SNX10: variants seen among roughly 807,000 people sequenced by gnomAD.
SNX10 encodes the protein sorting nexin-10.
In SNX10, 25 loss-of-function variants were observed where a neutral mutation model predicts 28.5. The observed-to-expected ratio is 0.88, with a 90% CI of 0.64 to 1.22. The LOEUF (loss-of-function observed/expected upper bound fraction) is 1.22. SNX10 is among the 50% of genes most tolerant of loss of function. The pLI, the probability that SNX10 is intolerant of heterozygous loss-of-function variation, is 0.00. For missense variants in SNX10, 223 were observed against 242.6 expected (o/e 0.92, Z 0.54); for synonymous variants, 62 against 81.4 (o/e 0.76, Z 1.28).
chr7:26,294,957 T>G (rs1041898825), intron 1 of SNX10, among the ~76,000 whole-genome samples: 5 of 152,146 alleles, frequency 3.3e-5, no homozygotes, highest in Non-Finnish European at 7.4e-5. Context: ...TTAGCCAGGC[T>G]TCAGTCAAGG....
At chr7:26,322,864 T>C (rs1035920309) in intron 1 of SNX10, among the ~76,000 whole-genome samples, 1 of 152,140 alleles carries the variant, frequency 6.6e-6, no homozygotes, top group African/African-American at 2.4e-5. Context: ...AAAGCAAATG[T>C]CTCTACCCTC....
At chr7:26,300,887 C>G (rs567798804) in intron 1 of SNX10, among the ~76,000 whole-genome samples, 1 of 151,612 alleles carries the variant, frequency 6.6e-6, no homozygotes, top group African/African-American at 2.4e-5. Flanking sequence ...GGTGTGGTGG[C>G]GAGCACCTGT....
At chr7:26,293,402 G>C (rs1033642181) in intron 1 of SNX10, among the ~76,000 whole-genome samples, 1 of 151,858 alleles carries the variant, frequency 6.6e-6, no homozygotes, top group South Asian at 2.1e-4. Flanking sequence ...ACAGGGTTTT[G>C]CCATGTTGCC....
chr7:26,361,072 A>C lies in SNX10; in HGVS notation c.111+11A>C, dbSNP rs762716516. On this transcript the variant is annotated intron_variant, in intron 3 of 6. Transcript: ENST00000338523. Reference sequence around the variant, plus strand: ...GAGATATGTATTCATGTAAGTATGTAGTCAGTAGAAATAGTAATTTTGAGG... The same window carrying C: ...GAGATATGTATTCATGTAAGTATGTCGTCAGTAGAAATAGTAATTTTGAGG... 15 of 1,584,358 alleles carry C rather than the reference A, an allele frequency of 9.5e-6. No individual in the cohort carries two copies. Among genetic ancestry groups the C allele is most frequent in the Non-Finnish European group, 1.3e-5 (15 of 1,163,092 alleles).
intron 1 of SNX10, among the ~76,000 whole-genome samples, chr7:26,334,736 G>T (rs549592194): frequency 6.6e-6 from 1 of 152,276 alleles, no homozygotes; most frequent in Admixed American, 6.5e-5. Context: ...AAGATGTGCT[G>T]TCATATCCTC....
rs193188523 is a variant in SNX10, at chr7:26,331,104, T to C, written c.-23-15316T>C. Among the ~76,000 whole-genome samples the C allele has an allele frequency of 1.1e-4, 16 of 150,788 alleles. No individual in the cohort carries two copies. The East Asian group carries it at 2.9e-3, about 28-fold the overall frequency. On this transcript the variant is annotated intron_variant, in intron 1 of 6. Transcript: ENST00000338523. ...AGGTTGAGGCTGCAGTGAGCTGTGA[T>C]CACACCACTGCACTCCAGCCTGGGT...
chr7:26,366,242 C>T (rs1328035086), intron 5 of SNX10, among the ~76,000 whole-genome samples: 2 of 152,124 alleles, frequency 1.3e-5, no homozygotes, highest in African/African-American at 4.8e-5. Flanking sequence ...TATACTGCCT[C>T]CTCCCCATTT....
intron 1 of SNX10, among the ~76,000 whole-genome samples, chr7:26,306,948 G>A (rs1343213384): frequency 6.6e-6 from 1 of 152,158 alleles, no homozygotes; most frequent in African/African-American, 2.4e-5. Context: ...AGGGCAGAAT[G>A]TGAATTCACA....
At chr7:26,346,535 G>A (rs766943729) in intron 2 of SNX10, 69 bp downstream of exon 2, 67 of 1,175,716 alleles carry the variant, frequency 5.7e-5, no homozygotes, top group Non-Finnish European at 7.9e-5. Flanking sequence ...TTCTTCATTT[G>A]CGAACCATAA....
intron 1 of SNX10, among the ~76,000 whole-genome samples, chr7:26,305,507 A>G (rs1299181537): frequency 6.6e-6 from 1 of 152,098 alleles, no homozygotes; most frequent in African/African-American, 2.4e-5. Context: ...CACTGTCTGG[A>G]TTAGGGGGCA....
intron 1 of SNX10, among the ~76,000 whole-genome samples, chr7:26,292,401 G>A (rs1785958741): frequency 6.6e-6 from 1 of 152,198 alleles, no homozygotes; most frequent in South Asian, 2.1e-4. Flanking sequence ...CGGAAGAAGT[G>A]CTGTGGCACC....
intron 1 of SNX10, among the ~76,000 whole-genome samples, chr7:26,306,342 C>T (rs1387225772): frequency 6.6e-6 from 1 of 151,858 alleles, no homozygotes; most frequent in Non-Finnish European, 1.5e-5. Context: ...AGTTTCAGAG[C>T]ATTTAGATTT....
chr7:26,371,220 T>C (rs1403192572), intron 5 of SNX10, among the ~76,000 whole-genome samples: 1 of 152,142 alleles, frequency 6.6e-6, no homozygotes, highest in African/African-American at 2.4e-5. Context: ...TTGCTCATTT[T>C]GACAACACAG....
chr7:26,358,332 T>C (rs1423952109), intron 2 of SNX10, among the ~76,000 whole-genome samples: 1 of 152,190 alleles, frequency 6.6e-6, no homozygotes. Flanking sequence ...TTAGGGGATA[T>C]TATGGATATT....
rs1785938196 is a variant in SNX10, at chr7:26,291,980, G to GCGCTCGCCGCCGC, written c.-125_-113dup. Reference sequence around the variant, plus strand: ...GGGCTGCGCTCGTGTGCGCTCCTGGGCGCTCGCCGCCGCCGCTGCCGCCGC... The same window carrying GCGCTCGCCGCCGC: ...GGGCTGCGCTCGTGTGCGCTCCTGGGCGCTCGCCGCCGCCGCTCGCCGCCGCCGCTGCCGCCGC... On this transcript the variant is annotated 5_prime_UTR_variant, in exon 1 of 7. Transcript: ENST00000338523. 1.4e-5 allele frequency: 2 copies of GCGCTCGCCGCCGC among 143,964 alleles called. No homozygotes were observed. Among genetic ancestry groups the GCGCTCGCCGCCGC allele is most frequent in the South Asian group, 4.3e-4 (2 of 4,682 alleles). 8.9% of individuals were successfully genotyped at this position (143,964 alleles called of 1,614,324 possible). A position where few individuals can be genotyped will look rare whatever the true frequency, so the allele number is the denominator to read the frequency against.
chr7:26,315,452 A>G (rs529869320), intron 1 of SNX10, among the ~76,000 whole-genome samples: 47 of 152,244 alleles, frequency 3.1e-4, no homozygotes, highest in African/African-American at 1.1e-3. Context: ...GCGGATCACA[A>G]GGTCAGGAGA....
chr7:26,313,065 C>G (rs576189172), intron 1 of SNX10, among the ~76,000 whole-genome samples: 2 of 152,154 alleles, frequency 1.3e-5, no homozygotes, highest in African/African-American at 4.8e-5. Context: ...GTATTTACTG[C>G]GTACTGTTCA....
chr7:26,316,918 T>C (rs908668505), intron 1 of SNX10, among the ~76,000 whole-genome samples: 2 of 152,188 alleles, frequency 1.3e-5, no homozygotes, highest in Admixed American at 6.5e-5. Context: ...AATTTTAAGA[T>C]GCAAATGTTA....
At chr7:26,310,032 C>T (rs905095455) in intron 1 of SNX10, among the ~76,000 whole-genome samples, 1 of 152,078 alleles carries the variant, frequency 6.6e-6, no homozygotes, top group Non-Finnish European at 1.5e-5. Flanking sequence ...AACATTATTC[C>T]CCAGTCTCAT....
Sources: gnomAD v4.1 joint callset for allele counts (sites outside exome capture counted in the v4.1 genomes callset) on GRCh38, gnomAD v4.1.1 for gene constraint, MANE v1.5 for transcripts, NCBI Gene and HGNC (gene_info 2026-07-23, HGNC 2026-07-21) for gene names.